The following ASTN2 variants were observed in gnomAD, a reference collection of about 807,000 sequenced individuals.
ASTN2 encodes the protein astrotactin-2.
In ASTN2, 54 loss-of-function variants were observed where a neutral mutation model predicts 139.8. The observed-to-expected ratio is 0.39, with a 90% CI of 0.31 to 0.48. The LOEUF is 0.48. Among genes scored for constraint, ASTN2 ranks in the 20% least tolerant of loss-of-function variants. The pLI, the probability that ASTN2 is intolerant of heterozygous loss-of-function variation, is 0.95. For missense variants in ASTN2, 1,565 were observed against 1,725.1 expected (o/e 0.91, Z 1.64); for synonymous variants, 756 against 719.5 (o/e 1.05, Z -0.81).
chr9:116,936,812 C>T (rs1408642015), intron 10 of ASTN2, among the ~76,000 whole-genome samples: 1 of 143,654 alleles, frequency 7.0e-6, no homozygotes, highest in African/African-American at 2.5e-5. Flanking sequence ...AAACTCTGCC[C>T]AAGGCTTGGC....
chr9:116,709,027 A>G (rs1259745199), intron 16 of ASTN2, among the ~76,000 whole-genome samples: 1 of 152,212 alleles, frequency 6.6e-6, no homozygotes, highest in Non-Finnish European at 1.5e-5. Context: ...GCTATATGCC[A>G]TTAGAGTGCA....
intron 16 of ASTN2, among the ~76,000 whole-genome samples, chr9:116,693,609 G>T (rs1860684360): frequency 6.6e-6 from 1 of 152,074 alleles, no homozygotes; most frequent in Non-Finnish European, 1.5e-5. Context: ...TGTTAGATGA[G>T]GTGGGAGGTC....
chr9:116,695,416 G>C (rs545515832), intron 16 of ASTN2, among the ~76,000 whole-genome samples: 1 of 152,180 alleles, frequency 6.6e-6, no homozygotes, highest in South Asian at 2.1e-4. Flanking sequence ...TTAGATAATT[G>C]TGCATGTCTG....
intron 20 of ASTN2, among the ~76,000 whole-genome samples, chr9:116,481,970 T>C (rs1227874560): frequency 6.6e-6 from 1 of 152,078 alleles, no homozygotes; most frequent in East Asian, 1.9e-4. Flanking sequence ...TATGTGACAT[T>C]GGGGAAAATG....
chr9:117,191,245 A>G (rs1008204573), intron 3 of ASTN2, among the ~76,000 whole-genome samples: 1 of 150,960 alleles, frequency 6.6e-6, no homozygotes, highest in Middle Eastern at 3.5e-3. Context: ...AAAAAAAAAA[A>G]GCTGCTAAAA....
At chr9:117,104,881 A>C (rs990669977) in intron 4 of ASTN2, among the ~76,000 whole-genome samples, 2 of 152,258 alleles carry the variant, frequency 1.3e-5, no homozygotes, top group East Asian at 1.9e-4. Flanking sequence ...TAATATGGCC[A>C]TCTCAGAGGG....
intron 1 of ASTN2, among the ~76,000 whole-genome samples, chr9:117,363,288 G>T (rs1587981994): frequency 6.6e-6 from 1 of 152,192 alleles, no homozygotes; most frequent in African/African-American, 2.4e-5. Context: ...AGGGGAGTGT[G>T]TAGTGAAGGA....
intron 1 of ASTN2, among the ~76,000 whole-genome samples, chr9:117,345,531 A>G (rs900990636): frequency 1.3e-5 from 2 of 152,200 alleles, no homozygotes; most frequent in African/African-American, 4.8e-5. Context: ...ATCTTGCCCA[A>G]GGTCACACAG....
intron 1 of ASTN2, among the ~76,000 whole-genome samples, chr9:117,336,997 TA>T (rs1828907041): frequency 6.6e-6 from 1 of 152,210 alleles, no homozygotes; most frequent in African/African-American, 2.4e-5. Context: ...TTTGCATGAA[TA>T]AATAAGTCAC....
Position 116,425,563 on chromosome 9 carries a change from G to A in ASTN2, c.*288C>T. 1 of 1,613,128 alleles carries A rather than the reference G, an allele frequency of 6.2e-7. No individual in the cohort carries two copies. The highest frequency in any genetic ancestry group is 8.5e-7 in the Non-Finnish European group (1 of 1,179,726). On this transcript the variant is annotated 3_prime_UTR_variant, in exon 23 of 23. Transcript: ENST00000313400. ...CTCCACCTGAAAACTTCTGCCTCGG[G>A]ATTGACAGCCATCCATAAGAAAAGG...
intron 1 of ASTN2, among the ~76,000 whole-genome samples, chr9:117,321,106 C>T (rs1828310723): frequency 6.6e-6 from 1 of 152,156 alleles, no homozygotes; most frequent in South Asian, 2.1e-4. Context: ...AAACTTCTAG[C>T]CCAGGTGGTG....
intron 10 of ASTN2, among the ~76,000 whole-genome samples, chr9:116,884,804 C>G (rs1833547997): frequency 2.2e-5 from 1 of 45,566 alleles, no homozygotes; most frequent in Admixed American, 2.3e-4. Flanking sequence ...CAAATATCCG[C>G]CCCCCCCCCA....
chr9:116,519,883 TGC>T (rs1803834380), intron 19 of ASTN2, among the ~76,000 whole-genome samples: 1 of 151,960 alleles, frequency 6.6e-6, no homozygotes, highest in Non-Finnish European at 1.5e-5. Context: ...AACACTTTTA[TGC>T]ACATAAACTA....
intron 16 of ASTN2, among the ~76,000 whole-genome samples, chr9:116,717,522 C>G (rs556828513): frequency 5.8e-4 from 89 of 152,256 alleles, no homozygotes; most frequent in Admixed American, 1.8e-3. Flanking sequence ...ATTGATCCTA[C>G]AAATAACTGC....
intron 1 of ASTN2, among the ~76,000 whole-genome samples, chr9:117,366,840 T>C (rs900763555): frequency 6.6e-6 from 1 of 152,064 alleles, no homozygotes; most frequent in African/African-American, 2.4e-5. Flanking sequence ...GGTGGCATGA[T>C]CTCATCTCAC....
intron 2 of ASTN2, among the ~76,000 whole-genome samples, chr9:117,278,702 C>T (rs528025222): frequency 2.0e-5 from 3 of 152,086 alleles, no homozygotes; most frequent in Admixed American, 6.5e-5. Context: ...TGTTATTTTG[C>T]TATTAAAGAC....
At chr9:117,206,434 T>C (rs905948872) in intron 3 of ASTN2, among the ~76,000 whole-genome samples, 2 of 152,204 alleles carry the variant, frequency 1.3e-5, no homozygotes, top group African/African-American at 4.8e-5. Flanking sequence ...CAAGAATTTA[T>C]ACAGCTGCAC....
chr9:116,754,134 C>T (rs1437958876), intron 13 of ASTN2, among the ~76,000 whole-genome samples: 1 of 152,172 alleles, frequency 6.6e-6, no homozygotes, highest in Non-Finnish European at 1.5e-5. Context: ...CTGCAAAGGA[C>T]ATAACTCATC....
chr9:117,351,033 CT>C (rs900890017), intron 1 of ASTN2, among the ~76,000 whole-genome samples: 8 of 152,140 alleles, frequency 5.3e-5, no homozygotes, highest in African/African-American at 1.9e-4. Context: ...TGGAAGCCTG[CT>C]TGCTCTCCTT....
Sources: gnomAD v4.1 joint callset for allele counts (sites outside exome capture counted in the v4.1 genomes callset) on GRCh38, gnomAD v4.1.1 for gene constraint, MANE v1.5 for transcripts, NCBI Gene and HGNC (gene_info 2026-07-23, HGNC 2026-07-21) for gene names.